TESK2: variants seen among roughly 807,000 people sequenced by gnomAD.
TESK2 encodes dual specificity testis-specific protein kinase 2.
TESK2 carries 39 observed loss-of-function variants against 57.1 expected under a neutral mutation model. The observed-to-expected ratio is 0.68, with a 90% CI of 0.53 to 0.89. The LOEUF (loss-of-function observed/expected upper bound fraction) is 0.89, where lower values mean the gene tolerates loss of function less well. Ranked by LOEUF, TESK2 falls within the 40% of genes least tolerant of loss-of-function variation. TESK2 has a pLI of 0.00. For synonymous variants in TESK2, 249 were observed against 267.9 expected, an observed-to-expected ratio of 0.93 and a Z score of 0.69; for missense variants, 646 against 732.1, an observed-to-expected ratio of 0.88 and a Z score of 1.36.
intron 4 of TESK2, among the ~76,000 whole-genome samples, chr1:45,371,818 A>C (rs950035261): frequency 6.6e-6 from 1 of 152,110 alleles, no homozygotes. Flanking sequence ...CAGGCAGCCG[A>C]GATTACACCA....
chr1:45,347,571 A>G, intron 7 of TESK2, 38 bp downstream of exon 7: 1 of 1,583,632 alleles, frequency 6.3e-7, no homozygotes, highest in Non-Finnish European at 8.6e-7. Flanking sequence ...AAGAAAAAGA[A>G]AAAAGGAGAA....
intron 2 of TESK2, among the ~76,000 whole-genome samples, chr1:45,446,551 A>C (rs1202088197): frequency 6.6e-6 from 1 of 152,156 alleles, no homozygotes; most frequent in African/African-American, 2.4e-5. Flanking sequence ...GGAAAAACTG[A>C]GATAAGAATA....
At chr1:45,377,683 T>C (rs1336406705) in intron 4 of TESK2, among the ~76,000 whole-genome samples, 1 of 146,730 alleles carries the variant, frequency 6.8e-6, no homozygotes, top group East Asian at 2.1e-4. Flanking sequence ...CCTCCCAAAG[T>C]GCTGGGATTA....
intron 1 of TESK2, among the ~76,000 whole-genome samples, chr1:45,488,381 C>T (rs1653572050): frequency 6.6e-6 from 1 of 152,206 alleles, no homozygotes; most frequent in South Asian, 2.1e-4. Context: ...TAAACTCCCT[C>T]ACTTTCCTTC....
rs113775200 is a variant in TESK2 at position 45,371,709 on chromosome 1, C to CA, written c.393+14202dup. Among the ~76,000 whole-genome samples, 101 of 146,678 alleles carry CA rather than the reference C, an allele frequency of 6.9e-4. No homozygotes were observed. The East Asian group carries it at 0.015, about 21-fold the overall frequency. ...GAAACCCCATCTCTACAAAAAATAC[C>CA]AAAAAAAAATTAGCTGGGCATGGTG... On this transcript the variant is annotated intron_variant, in intron 4 of 10. Transcript: ENST00000372086.
intron 5 of TESK2, 77 bp from the exon 6 acceptor site, chr1:45,348,077 C>G: frequency 3.1e-6 from 3 of 973,658 alleles, no homozygotes. Context: ...ACCCATTCCC[C>G]CCTTCCTATC....
At position 45,363,723 on chromosome 1, in the gene TESK2, CT is replaced by C. The variant is rs201614410; in HGVS notation, c.394-8275del. Among the ~76,000 whole-genome samples, 1,285 of 145,894 alleles carry C rather than the reference CT, an allele frequency of 8.8e-3. 14 individuals are homozygous for C. Among genetic ancestry groups the C allele is most frequent in the South Asian group, 0.04 (184 of 4,608 alleles). On this transcript the variant is annotated intron_variant, in intron 4 of 10. Coordinates refer to ENST00000372086, the MANE Select transcript of TESK2 (RefSeq NM_007170.3). ...CAAAGCACAGAGATTAGTAATTATT[CT>C]TTTTTTTTTTTCTGTATAAGTAGGG... is the stretch of plus-strand genomic sequence containing the variant.
intron 5 of TESK2, among the ~76,000 whole-genome samples, chr1:45,351,809 C>T (rs1454042334): frequency 6.8e-6 from 1 of 146,394 alleles, no homozygotes; most frequent in East Asian, 2.0e-4. Context: ...AGCCCTTCGC[C>T]CTTCCCTGAA....
intron 5 of TESK2, among the ~76,000 whole-genome samples, chr1:45,354,552 G>A (rs1456152636): frequency 1.3e-5 from 2 of 151,838 alleles, no homozygotes; most frequent in Admixed American, 1.3e-4. Flanking sequence ...CTTGAACCCA[G>A]GAGGTGGAGG....
chr1:45,431,191 G>A (rs745891947), intron 2 of TESK2, among the ~76,000 whole-genome samples: 16 of 152,168 alleles, frequency 1.1e-4, no homozygotes, highest in Non-Finnish European at 1.5e-4. Context: ...GGCCGAGGTC[G>A]GCGGATCACG....
intron 1 of TESK2, among the ~76,000 whole-genome samples, chr1:45,481,082 G>A (rs1653198250): frequency 6.6e-6 from 1 of 150,712 alleles, no homozygotes; most frequent in Non-Finnish European, 1.5e-5. Flanking sequence ...AAGTAAATAA[G>A]CGGCCGGGCC....
chr1:45,452,671 T>C (rs1409595494), intron 2 of TESK2, among the ~76,000 whole-genome samples: 1 of 151,674 alleles, frequency 6.6e-6, no homozygotes, highest in African/African-American at 2.4e-5. Context: ...ATTTTGGACT[T>C]TGGGAGGCAG....
At chr1:45,475,063 C>CAAAAAAAAAAAAAA (rs58542898) in intron 1 of TESK2, among the ~76,000 whole-genome samples, 1 of 87,430 alleles carries the variant, frequency 1.1e-5, no homozygotes, top group Non-Finnish European at 2.5e-5. Flanking sequence ...GACTCTATCT[C>CAAAAAAAAAAAAAA]AAAAAAAAAA....
intron 2 of TESK2, among the ~76,000 whole-genome samples, chr1:45,432,706 A>G (rs1437098286): frequency 6.7e-6 from 1 of 150,280 alleles, no homozygotes; most frequent in African/African-American, 2.4e-5. Context: ...AAAAAGATAT[A>G]TACAATACAT....
intron 3 of TESK2, among the ~76,000 whole-genome samples, chr1:45,408,168 G>A (rs1649918623): frequency 6.6e-6 from 1 of 152,112 alleles, no homozygotes; most frequent in South Asian, 2.1e-4. Context: ...ATAGCATCAT[G>A]AGAAGGGGCT....
chr1:45,467,762 C>T (rs1314336616), intron 1 of TESK2, among the ~76,000 whole-genome samples: 2 of 152,016 alleles, frequency 1.3e-5, no homozygotes, highest in East Asian at 3.9e-4. Context: ...GACTCTCAAA[C>T]TTTTATTCTG....
At chr1:45,358,006 TAAAAAAAAAAA>T (rs760610185) in intron 4 of TESK2, among the ~76,000 whole-genome samples, 3 of 24,234 alleles carry the variant, frequency 1.2e-4, no homozygotes, top group African/African-American at 4.4e-4. Context: ...AAACTCCGTC[TAAAAAAAAAAA>T]AAAAAAAAAA....
chr1:45,345,059 G>C lies in TESK2; in HGVS notation c.1497C>G (p.Phe499Leu). ...LKYRVKEIPP[F>L]RASALPAAQA... is the part of the protein sequence containing the mutation. ...GAGCAGCTGGTAGGGCAGATGCCCGGAATGGTGGGATCTCTTTAACTCTGT... is the reference window on the plus strand; with the variant it reads ...GAGCAGCTGGTAGGGCAGATGCCCGCAATGGTGGGATCTCTTTAACTCTGT... The change falls in exon 11 of 11, where the codon TTC (phenylalanine) becomes TTG (leucine). Residue 499 changes from phenylalanine to leucine, a missense_variant. Transcript: ENST00000372086. The C allele has an allele frequency of 6.2e-7, 1 of 1,614,240 alleles. No homozygotes were observed. The highest frequency in any genetic ancestry group is 1.3e-5 in the African/African-American group (1 of 75,082).
chr1:45,490,222 T>C (rs1030273079), intron 1 of TESK2, among the ~76,000 whole-genome samples: 1 of 152,192 alleles, frequency 6.6e-6, no homozygotes, highest in Non-Finnish European at 1.5e-5. Flanking sequence ...CAGCAAGTTC[T>C]TCTCAGAGGT....
Sources: allele counts gnomAD v4.1 joint callset (sites outside exome capture counted in the v4.1 genomes callset), GRCh38; gene constraint gnomAD v4.1.1; transcripts MANE v1.5; gene names NCBI Gene and HGNC (gene_info 2026-07-23, HGNC 2026-07-21).